Variants in NUBPL observed in about 807,000 individuals in gnomAD.
The protein encoded by NUBPL is iron-sulfur cluster transfer protein NUBPL.
NUBPL carries 31 observed loss-of-function variants against 45.7 expected under a neutral mutation model. That is an observed-to-expected ratio of 0.68 (90% CI 0.51 to 0.92). The LOEUF (loss-of-function observed/expected upper bound fraction) is 0.92, where lower values mean the gene tolerates loss of function less well. NUBPL is among the 40% of genes least tolerant of loss of function. The pLI is 0.00. For synonymous variants in NUBPL, 144 were observed against 140.9 expected (o/e 1.02, Z -0.15); for missense variants, 401 against 398.7 (o/e 1.01, Z -0.05).
chr14:31,570,431 A>G (rs2033552062), intron 3 of NUBPL, among the ~76,000 whole-genome samples: 1 of 152,220 alleles, frequency 6.6e-6, no homozygotes, highest in Non-Finnish European at 1.5e-5. Context: ...TCAGTGTCAA[A>G]TATAGTAGTA....
At chr14:31,631,701 A>T (rs34782106) in intron 4 of NUBPL, among the ~76,000 whole-genome samples, 2 of 151,792 alleles carry the variant, frequency 1.3e-5, no homozygotes, top group African/African-American at 2.4e-5. Flanking sequence ...CCACGTCCAA[A>T]GGCAGAAAAC....
At chr14:31,693,677 C>T (rs1022558621) in intron 6 of NUBPL, among the ~76,000 whole-genome samples, 10 of 151,648 alleles carry the variant, frequency 6.6e-5, no homozygotes, top group Non-Finnish European at 1.5e-4. Flanking sequence ...ATTTTTGCAT[C>T]ATCAGGTACT....
intron 6 of NUBPL, among the ~76,000 whole-genome samples, chr14:31,770,479 C>T (rs2038989490): frequency 6.6e-6 from 1 of 152,106 alleles, no homozygotes; most frequent in Admixed American, 6.5e-5. Context: ...ATGCCAAAGT[C>T]TGAAAAGACA....
intron 6 of NUBPL, among the ~76,000 whole-genome samples, chr14:31,779,443 A>G (rs1462752387): frequency 6.6e-6 from 1 of 152,116 alleles, no homozygotes; most frequent in Non-Finnish European, 1.5e-5. Context: ...AGATAGTGAG[A>G]GGTAGCCCCA....
intron 4 of NUBPL, chr14:31,654,090 A>G: frequency 2.2e-6 from 1 of 455,072 alleles, no homozygotes; most frequent in Non-Finnish European, 4.4e-6. Context: ...GAGATGTTGC[A>G]GGTCTTGTTC....
At chr14:31,742,799 G>T (rs1356902209) in intron 6 of NUBPL, among the ~76,000 whole-genome samples, 1 of 150,786 alleles carries the variant, frequency 6.6e-6, no homozygotes, top group South Asian at 2.1e-4. Flanking sequence ...TAGAGGTGGG[G>T]TTTCACCATA....
chr14:31,755,264 G>C (rs2038632774), intron 6 of NUBPL, among the ~76,000 whole-genome samples: 1 of 152,006 alleles, frequency 6.6e-6, no homozygotes, highest in Non-Finnish European at 1.5e-5. Flanking sequence ...GATCCCTGAG[G>C]AATCGCCACA....
chr14:31,633,900 C>G (rs966321898), intron 4 of NUBPL, among the ~76,000 whole-genome samples: 1 of 152,052 alleles, frequency 6.6e-6, no homozygotes, highest in Non-Finnish European at 1.5e-5. Context: ...AATTGCCGTT[C>G]TGGTTGCCTT....
At chr14:31,757,862 A>G (rs1163621564) in intron 6 of NUBPL, among the ~76,000 whole-genome samples, 1 of 152,098 alleles carries the variant, frequency 6.6e-6, no homozygotes, top group African/African-American at 2.4e-5. Flanking sequence ...CATCTCTACC[A>G]TGCTTACCCA....
intron 6 of NUBPL, among the ~76,000 whole-genome samples, chr14:31,692,271 G>A (rs1405591795): frequency 6.6e-6 from 1 of 152,110 alleles, no homozygotes; most frequent in Non-Finnish European, 1.5e-5. Flanking sequence ...TTCCTGATTA[G>A]TATTTTTTTT....
chr14:31,685,052 C>G (rs1439656437), intron 6 of NUBPL, among the ~76,000 whole-genome samples: 1 of 152,228 alleles, frequency 6.6e-6, no homozygotes, highest in Non-Finnish European at 1.5e-5. Flanking sequence ...GGTTTTCCAA[C>G]ATATCTGTAT....
chr14:31,572,335 T>C (rs1449739875), intron 3 of NUBPL, among the ~76,000 whole-genome samples: 1 of 151,978 alleles, frequency 6.6e-6, no homozygotes, highest in Non-Finnish European at 1.5e-5. Flanking sequence ...GAGACAGGGT[T>C]TCACTGTGTT....
At chr14:31,619,120 T>C (rs559485755) in intron 4 of NUBPL, among the ~76,000 whole-genome samples, 40 of 152,330 alleles carry the variant, frequency 2.6e-4, no homozygotes, top group Admixed American at 1.0e-3. Flanking sequence ...GCTATTTTTT[T>C]GCTTTCCATT....
chr14:31,820,649 C>A (rs1372895288), intron 7 of NUBPL, among the ~76,000 whole-genome samples: 1 of 151,764 alleles, frequency 6.6e-6, no homozygotes, highest in Non-Finnish European at 1.5e-5. Flanking sequence ...TAAGGTGAAA[C>A]CCCATCTCTG....
intron 6 of NUBPL, among the ~76,000 whole-genome samples, chr14:31,712,182 G>A (rs554482464): frequency 1.3e-5 from 2 of 152,300 alleles, no homozygotes; most frequent in South Asian, 4.2e-4. Context: ...TGATTGGTCC[G>A]TTTTGACAGA....
At chr14:31,562,631 T>C (rs1239078972) in intron 2 of NUBPL, among the ~76,000 whole-genome samples, 1 of 142,074 alleles carries the variant, frequency 7.0e-6, no homozygotes, top group Non-Finnish European at 1.5e-5. Flanking sequence ...TGAGACGGAA[T>C]CTCGCTCTGT....
At chr14:31,628,773 G>A (rs1209931612) in intron 4 of NUBPL, among the ~76,000 whole-genome samples, 1 of 152,178 alleles carries the variant, frequency 6.6e-6, no homozygotes, top group Non-Finnish European at 1.5e-5. Context: ...GATGCTTGCT[G>A]TGTACTTCCC....
chr14:31,802,655 G>T (rs1244555113), intron 7 of NUBPL, among the ~76,000 whole-genome samples: 1 of 151,902 alleles, frequency 6.6e-6, no homozygotes, highest in East Asian at 1.9e-4. Context: ...GGACTTCCCA[G>T]TCTACAGAGC....
intron 6 of NUBPL, among the ~76,000 whole-genome samples, chr14:31,685,017 A>G (rs931905864): frequency 6.6e-6 from 1 of 152,364 alleles, no homozygotes; most frequent in African/African-American, 2.4e-5. Flanking sequence ...TACTAATGTC[A>G]TGAAGATTAA....
Sources: allele counts gnomAD v4.1 joint callset (sites outside exome capture counted in the v4.1 genomes callset), GRCh38; gene constraint gnomAD v4.1.1; transcripts MANE v1.5; gene names NCBI Gene and HGNC (gene_info 2026-07-23, HGNC 2026-07-21).